UTRN: variants seen among roughly 807,000 people sequenced by gnomAD.
UTRN encodes dystrophin-related protein 1.
Under a neutral mutation model 463.9 loss-of-function variants are expected in UTRN, and 283 were observed. The ratio of observed to expected loss-of-function variants is 0.61; its 90% CI spans 0.55 to 0.67. The LOEUF (loss-of-function observed/expected upper bound fraction) is 0.67. Among genes scored for constraint, UTRN ranks in the 30% least tolerant of loss-of-function variants. UTRN has a pLI of 0.00. For missense variants in UTRN, 3,922 were observed against 4,084.3 expected (o/e 0.96, Z 1.08); for synonymous variants, 1,442 against 1,431.5 (o/e 1.01, Z -0.17).
chr6:144,678,647 T>C, intron 52 of UTRN, 69 bp downstream of exon 52: 1 of 1,404,454 alleles, frequency 7.1e-7, no homozygotes, highest in Non-Finnish European at 9.5e-7. Context: ...TTTTTGTATA[T>C]CAGAAAGAGA....
chr6:144,387,750 G>A (rs572333586), intron 2 of UTRN, among the ~76,000 whole-genome samples: 6 of 152,282 alleles, frequency 3.9e-5, no homozygotes, highest in Admixed American at 1.3e-4. Flanking sequence ...CTTAGCTCCC[G>A]ATACATTTCT....
At chr6:144,436,959 ATT>A (rs202190574) in intron 10 of UTRN, among the ~76,000 whole-genome samples, 1 of 140,668 alleles carries the variant, frequency 7.1e-6, no homozygotes. Flanking sequence ...TATATTTATA[ATT>A]TTTTTTTTTT....
At chr6:144,543,500 G>A (rs544413535) in intron 46 of UTRN, among the ~76,000 whole-genome samples, 16 of 152,144 alleles carry the variant, frequency 1.1e-4, no homozygotes, top group South Asian at 8.3e-4. Flanking sequence ...CTCTTCCTCT[G>A]TTGAGTCACC....
At chr6:144,624,362 G>A (rs1043023026) in intron 51 of UTRN, among the ~76,000 whole-genome samples, 1 of 152,102 alleles carries the variant, frequency 6.6e-6, no homozygotes, top group South Asian at 2.1e-4. Context: ...AAAAGTAATA[G>A]GTGGAAAGAA....
At chr6:144,476,222 G>C (rs1179148827) in intron 25 of UTRN, among the ~76,000 whole-genome samples, 2 of 150,674 alleles carry the variant, frequency 1.3e-5, no homozygotes, top group Non-Finnish European at 3.0e-5. Context: ...CCAAAGCGTG[G>C]AGATCACAGG....
chr6:144,520,470 T>C (rs1191225184), intron 39 of UTRN, among the ~76,000 whole-genome samples: 1 of 152,228 alleles, frequency 6.6e-6, no homozygotes, highest in East Asian at 1.9e-4. Context: ...GCTTTCTGAC[T>C]AAAATTTAAA....
chr6:144,446,432 A>G (rs1456975505), intron 14 of UTRN, among the ~76,000 whole-genome samples: 3 of 152,246 alleles, frequency 2.0e-5, no homozygotes, highest in African/African-American at 7.2e-5. Context: ...TTGCTGAGAA[A>G]GAATTGATTC....
At chr6:144,564,633 GC>G (rs922471175) in intron 50 of UTRN, among the ~76,000 whole-genome samples, 7 of 152,118 alleles carry the variant, frequency 4.6e-5, no homozygotes, top group Admixed American at 4.6e-4. Flanking sequence ...GGGAAGCAAG[GC>G]ACCTTCTTCA....
chr6:144,755,674 A>G (rs1791915454), intron 57 of UTRN, among the ~76,000 whole-genome samples: 1 of 152,182 alleles, frequency 6.6e-6, no homozygotes, highest in South Asian at 2.1e-4. Context: ...TTTAGCAAAT[A>G]TATGTAAGAA....
At chr6:144,844,047 A>T (rs1781815491) in intron 73 of UTRN, among the ~76,000 whole-genome samples, 1 of 152,138 alleles carries the variant, frequency 6.6e-6, no homozygotes, top group Non-Finnish European at 1.5e-5. Context: ...TCCATGTTTT[A>T]ATTTTTGGCT....
intron 67 of UTRN, 110 bp from the exon 68 acceptor site, chr6:144,827,501 A>G (rs779199245): frequency 1.0e-4 from 162 of 1,591,292 alleles, no homozygotes; most frequent in Non-Finnish European, 9.6e-5. Flanking sequence ...TAACAATCCT[A>G]GTGGTCTGTT....
chr6:144,704,192 T>G (rs1186107204), intron 53 of UTRN, among the ~76,000 whole-genome samples: 1 of 152,194 alleles, frequency 6.6e-6, no homozygotes, highest in Non-Finnish European at 1.5e-5. Context: ...TTGTTTTTGT[T>G]TTTACTTGAG....
At chr6:144,369,219 G>C (rs1321263603) in intron 2 of UTRN, among the ~76,000 whole-genome samples, 1 of 152,194 alleles carries the variant, frequency 6.6e-6, no homozygotes, top group Non-Finnish European at 1.5e-5. Context: ...TGGCTTATAA[G>C]GTTTGTAGGA....
chr6:144,788,031 A>G (rs147316855), intron 61 of UTRN, among the ~76,000 whole-genome samples: 2,537 of 152,264 alleles, frequency 0.017, 33 homozygotes, highest in Admixed American at 0.024. Flanking sequence ...AACATTTGGT[A>G]GATTACTCAG....
intron 69 of UTRN, among the ~76,000 whole-genome samples, chr6:144,833,246 G>A (rs927437827): frequency 6.6e-6 from 1 of 152,102 alleles, no homozygotes; most frequent in Non-Finnish European, 1.5e-5. Context: ...CATATGCTAT[G>A]TGGACAAAGT....
intron 60 of UTRN, among the ~76,000 whole-genome samples, chr6:144,779,292 A>G (rs1244494842): frequency 6.6e-6 from 1 of 152,180 alleles, no homozygotes; most frequent in African/African-American, 2.4e-5. Context: ...ACTGCCCTTT[A>G]TTAAACACTT....
At position 144,447,329 on chromosome 6, in the gene UTRN, G is replaced by C. The variant is rs1241505645; in HGVS notation, c.1722+11G>C. On this transcript the variant is annotated intron_variant, in intron 15 of 74. Coordinates refer to ENST00000367545, the MANE Select transcript of UTRN (RefSeq NM_007124.3). ...GTTCGACGTCTGGCTGTAAGTGATG[G>C]GGTTGTCAGCATCTGTGTTGTAAGC... 1.2e-6 allele frequency: 2 copies of C among 1,609,728 alleles called. No individual in the cohort carries two copies.
rs561202698 is a variant in UTRN at position 144,815,626 on chromosome 6, G to A, written c.9358-5256G>A. On this transcript the variant is annotated intron_variant, in intron 65 of 74. Transcript: ENST00000367545. ...TTCGAGGGCAGGAAGCTTCCAGCAC[G>A]GAAAAAGATGAAGGCCAGAAGACTC... Among the ~76,000 whole-genome samples the A allele has an allele frequency of 5.9e-5, 9 of 152,332 alleles. No homozygotes were observed. The South Asian group carries it at 8.3e-4, about 14-fold the overall frequency.
At position 144,768,971 on chromosome 6, in the gene UTRN, T is replaced by TTA. The variant is rs1793699365; in HGVS notation, c.8496-2936_8496-2935insTA. Among the ~76,000 whole-genome samples, 8 of 148,124 alleles carry TTA rather than the reference T, an allele frequency of 5.4e-5. No homozygotes were observed. In the South Asian group the frequency reaches 1.7e-3, roughly 32 times the overall value. On this transcript the variant is annotated intron_variant, in intron 58 of 74. Transcript: ENST00000367545. ...TTGTTTTGTTTTGTTTTTTTTTTTT[T>TTA]AATTTTATTCTTGGATAGATTCCCA...
Sources: gnomAD v4.1 joint callset for allele counts (sites outside exome capture counted in the v4.1 genomes callset) on GRCh38, gnomAD v4.1.1 for gene constraint, MANE v1.5 for transcripts, NCBI Gene and HGNC (gene_info 2026-07-23, HGNC 2026-07-21) for gene names.